Variants in CTNND2 observed in about 807,000 individuals in gnomAD.
CTNND2 encodes the protein catenin delta-2.
Under a neutral mutation model 144.4 loss-of-function variants are expected in CTNND2, and 22 were observed. The ratio of observed to expected loss-of-function variants is 0.15; its 90% CI spans 0.11 to 0.22. The LOEUF (loss-of-function observed/expected upper bound fraction) is 0.22, where lower values mean the gene tolerates loss of function less well. CTNND2 is among the 10% of genes least tolerant of loss of function. The pLI is 1.00. For synonymous variants in CTNND2, 751 were observed against 695.6 expected (o/e 1.08, Z -1.25); for missense variants, 1,353 against 1,618.8 (o/e 0.84, Z 2.82).
At chr5:11,203,546 G>A (rs565897323) in intron 10 of CTNND2, among the ~76,000 whole-genome samples, 231 of 152,200 alleles carry the variant, frequency 1.5e-3, no homozygotes, top group African/African-American at 5.1e-3. Context: ...GGGTTCAAGC[G>A]ATTCGCTTAG....
chr5:11,142,676 C>A (rs1297241392), intron 12 of CTNND2, among the ~76,000 whole-genome samples: 1 of 148,890 alleles, frequency 6.7e-6, no homozygotes, highest in Non-Finnish European at 1.5e-5. Context: ...TGCAGTGGCG[C>A]GATCTCGACT....
intron 8 of CTNND2, among the ~76,000 whole-genome samples, chr5:11,353,828 T>C (rs1195880686): frequency 2.4e-4 from 36 of 151,996 alleles, no homozygotes; most frequent in Non-Finnish European, 1.5e-5. Flanking sequence ...CATTGTATTA[T>C]CATTTTCTTT....
In CTNND2 at chr5:11,559,437, T is replaced by C. The variant is rs77903332; in HGVS notation, c.287+5507A>G. Reference sequence around the variant, plus strand: ...TCCAATATTCTATGCTCTCCACTTATACCACATAAAATGAATTTAGCACGA... The same window carrying C: ...TCCAATATTCTATGCTCTCCACTTACACCACATAAAATGAATTTAGCACGA... On this transcript the variant is annotated intron_variant, in intron 3 of 21. Coordinates refer to ENST00000304623, the MANE Select transcript of CTNND2 (RefSeq NM_001332.4). 1.5e-3 allele frequency among the ~76,000 whole-genome samples: 231 copies of C among 152,312 alleles called. 1 individual carries two copies. The highest frequency in any genetic ancestry group is 4.8e-3 in the African/African-American group (201 of 41,574).
intron 10 of CTNND2, among the ~76,000 whole-genome samples, chr5:11,214,516 G>C (rs1322141200): frequency 1.3e-5 from 2 of 152,116 alleles, no homozygotes; most frequent in Non-Finnish European, 2.9e-5. Context: ...GGCCTTTAGG[G>C]GAGGGTTTTT....
chr5:11,873,321 A>G (rs1232828273), intron 1 of CTNND2, among the ~76,000 whole-genome samples: 1 of 152,218 alleles, frequency 6.6e-6, no homozygotes, highest in Non-Finnish European at 1.5e-5. Flanking sequence ...ATTGATACTA[A>G]AAGATGAAAC....
chr5:11,559,464 G>A lies in CTNND2; in HGVS notation c.287+5480C>T, dbSNP rs527356671. On this transcript the variant is annotated intron_variant, in intron 3 of 21. Transcript: ENST00000304623. ...CCACATAAAATGAATTTAGCACGAC[G>A]CTTTAAACTGTGATCCCTTCAATAG... 2.1e-4 allele frequency among the ~76,000 whole-genome samples: 32 copies of A among 152,264 alleles called. 1 individual carries two copies. The highest frequency in any genetic ancestry group is 3.4e-3 in the Middle Eastern group (1 of 294).
At chr5:11,464,817 C>G (rs61758932) in intron 3 of CTNND2, among the ~76,000 whole-genome samples, 2,264 of 152,234 alleles carry the variant, frequency 0.015, 55 homozygotes, top group African/African-American at 0.051. Context: ...AGGAGTTAAG[C>G]TTGGCTCCTG....
At chr5:11,481,796 TG>T (rs1768295116) in intron 3 of CTNND2, among the ~76,000 whole-genome samples, 1 of 152,086 alleles carries the variant, frequency 6.6e-6, no homozygotes, top group Non-Finnish European at 1.5e-5. Flanking sequence ...AAAAAAAAAT[TG>T]ATTCCTGTCT....
intron 1 of CTNND2, among the ~76,000 whole-genome samples, chr5:11,752,651 G>A (rs1788692923): frequency 6.6e-6 from 1 of 151,396 alleles, no homozygotes; most frequent in Non-Finnish European, 1.5e-5. Flanking sequence ...TTTTTGCTTA[G>A]GATTTCTTGG....
chr5:11,071,341 C>T (rs1748262288), intron 16 of CTNND2, among the ~76,000 whole-genome samples: 1 of 152,116 alleles, frequency 6.6e-6, no homozygotes, highest in Non-Finnish European at 1.5e-5. Context: ...AGTTCAAGAC[C>T]AGTCTGGCCA....
At chr5:11,400,863 T>C (rs1192632615) in intron 5 of CTNND2, among the ~76,000 whole-genome samples, 1 of 152,220 alleles carries the variant, frequency 6.6e-6, no homozygotes, top group African/African-American at 2.4e-5. Context: ...ATGAAGAGGC[T>C]TGGATCCTTA....
chr5:10,983,611 A>G (rs1277204730), intron 20 of CTNND2, among the ~76,000 whole-genome samples: 2 of 152,144 alleles, frequency 1.3e-5, no homozygotes, highest in African/African-American at 2.4e-5. Flanking sequence ...GGTTGAATGC[A>G]TGTCACTCCT....
chr5:11,431,907 T>C (rs1375235112), intron 3 of CTNND2, among the ~76,000 whole-genome samples: 1 of 152,154 alleles, frequency 6.6e-6, no homozygotes, highest in Admixed American at 6.5e-5. Context: ...AGCACTCCTT[T>C]GTCATCAACA....
rs1560987904 is a variant in CTNND2 at position 11,903,025 on chromosome 5, G to A, written c.37+792C>T. 6 of 205,504 alleles carry A rather than the reference G, an allele frequency of 2.9e-5. No individual in the cohort carries two copies. The highest frequency in any genetic ancestry group is 4.3e-5 in the Non-Finnish European group (5 of 116,918). 12.7% of individuals were successfully genotyped at this position (205,504 alleles called of 1,614,324 possible). A position where few individuals can be genotyped will look rare whatever the true frequency, so the allele number is the denominator to read the frequency against. ...TGAAAGCAGAGGCTCAACCTGCCGA[G>A]TGGCAATCGAAGAAAACACACTACA... is the stretch of plus-strand genomic sequence containing the variant. On this transcript the variant is annotated intron_variant, in intron 1 of 21. Coordinates refer to ENST00000304623, the MANE Select transcript of CTNND2 (RefSeq NM_001332.4). The surrounding 1 kb of genome is among the most constrained non-coding windows in gnomAD (Gnocchi z 5.4).
chr5:11,253,534 AC>A (rs1396204311), intron 9 of CTNND2, among the ~76,000 whole-genome samples: 22 of 152,294 alleles, frequency 1.4e-4, no homozygotes, highest in South Asian at 1.0e-3. Context: ...GCCATGTAAG[AC>A]ATGCCTTTCA....
chr5:11,205,081 T>C (rs151004102), intron 10 of CTNND2, among the ~76,000 whole-genome samples: 1 of 152,328 alleles, frequency 6.6e-6, no homozygotes, highest in African/African-American at 2.4e-5. Context: ...ATAAAATGGA[T>C]ATATCTTTAG....
chr5:11,139,204 A>G (rs10038547), intron 12 of CTNND2, among the ~76,000 whole-genome samples: 112,253 of 151,970 alleles, frequency 0.74, 42,434 homozygotes, highest in African/African-American at 0.91. Context: ...CAAGTGATCC[A>G]CTCACCTCGG....
chr5:11,676,721 G>A (rs73743019), intron 2 of CTNND2, among the ~76,000 whole-genome samples: 1,793 of 151,990 alleles, frequency 0.012, 27 homozygotes, highest in African/African-American at 0.042. Context: ...TCAACTCAAG[G>A]TCAGAAGGTT....
At chr5:11,839,047 T>C (rs930138737) in intron 1 of CTNND2, among the ~76,000 whole-genome samples, 2 of 152,134 alleles carry the variant, frequency 1.3e-5, no homozygotes, top group African/African-American at 4.8e-5. Context: ...TATGAAAATT[T>C]TGAGGAGGAA....
Sources: gnomAD v4.1 joint callset for allele counts (sites outside exome capture counted in the v4.1 genomes callset) on GRCh38, gnomAD v4.1.1 for gene constraint, Gnocchi (gnomAD v3.1) non-coding constraint, MANE v1.5 for transcripts, NCBI Gene and HGNC (gene_info 2026-07-23, HGNC 2026-07-21) for gene names.